The following MTMR14 variants were observed in gnomAD, a reference collection of about 807,000 sequenced individuals.
MTMR14 encodes myotubularin related protein 14.
A neutral mutation model predicts 86.3 loss-of-function variants in MTMR14; 48 were observed. The observed-to-expected ratio is 0.56, with a 90% CI of 0.44 to 0.71. The LOEUF is 0.71. Among genes scored for constraint, MTMR14 ranks in the 30% least tolerant of loss-of-function variants. MTMR14 has a pLI of 0.00. For missense variants in MTMR14, 780 were observed against 834.6 expected, an observed-to-expected ratio of 0.93 and a Z score of 0.81; for synonymous variants, 366 against 326.1, an observed-to-expected ratio of 1.12 and a Z score of -1.32.
At chr3:9,669,365 T>C in intron 4 of MTMR14, 67 bp from the exon 5 acceptor site, 1 of 1,543,062 alleles carries the variant, frequency 6.5e-7, no homozygotes, top group Non-Finnish European at 8.9e-7. Flanking sequence ...AGGAGGCTGG[T>C]GAGGAGGCCC....
intron 9 of MTMR14, among the ~76,000 whole-genome samples, chr3:9,681,672 CTTGTTTGT>C (rs575254786): frequency 1.3e-5 from 2 of 152,122 alleles, no homozygotes; most frequent in African/African-American, 2.4e-5. Context: ...AGGCACGAGC[CTTGTTTGT>C]TTGTTTGTTT....
intron 1 of MTMR14, 98 bp from the exon 2 acceptor site, chr3:9,653,523 C>A: frequency 6.8e-7 from 1 of 1,468,182 alleles, no homozygotes. Context: ...CACCCAGGTA[C>A]ATGTCTTTCC....
At chr3:9,685,176 C>A (rs769070435) in intron 12 of MTMR14, 35 bp from the exon 13 acceptor site, 1 of 1,614,110 alleles carries the variant, frequency 6.2e-7, no homozygotes. Context: ...CATCTTGGTG[C>A]TGCTGACTTT....
intron 9 of MTMR14, among the ~76,000 whole-genome samples, chr3:9,680,590 A>G (rs910960480): frequency 1.3e-5 from 2 of 152,234 alleles, no homozygotes; most frequent in Non-Finnish European, 2.9e-5. Flanking sequence ...TCATGCCTGT[A>G]ATCCCAGCAC....
intron 9 of MTMR14, among the ~76,000 whole-genome samples, chr3:9,682,781 T>C (rs560588641): frequency 1.3e-5 from 2 of 152,378 alleles, no homozygotes; most frequent in Non-Finnish European, 2.9e-5. Context: ...AGACATTGGC[T>C]ACAGCCTCAG....
In MTMR14 at chr3:9,668,704, A is replaced by T; in HGVS notation, c.418-15A>T. On this transcript the variant is annotated splice_polypyrimidine_tract_variant and intron_variant, in intron 3 of 18. Coordinates refer to ENST00000296003, the MANE Select transcript of MTMR14 (RefSeq NM_001077525.3). Reference sequence around the variant, plus strand: ...AGAAAACCATCTGACCGTGAAAATGATGTTTCTCTCCCAGCACATTTGCAG... The same window carrying T: ...AGAAAACCATCTGACCGTGAAAATGTTGTTTCTCTCCCAGCACATTTGCAG... 1 of 1,613,940 alleles carries T rather than the reference A, an allele frequency of 6.2e-7. No individual in the cohort carries two copies. Among genetic ancestry groups the T allele is most frequent in the Middle Eastern group, 1.6e-4 (1 of 6,062 alleles).
At chr3:9,689,940 A>T in intron 16 of MTMR14, 24 bp from the exon 17 acceptor site, 7 of 1,601,606 alleles carry the variant, frequency 4.4e-6, no homozygotes, top group Non-Finnish European at 6.0e-6. Flanking sequence ...CCCCCGGCTC[A>T]CAGCCCTGCT....
chr3:9,663,862 C>T lies in MTMR14; in HGVS notation c.417+1487C>T, dbSNP rs560609676. 1.1e-3 allele frequency among the ~76,000 whole-genome samples: 160 copies of T among 150,164 alleles called. 1 individual carries two copies. Among genetic ancestry groups the T allele is most frequent in the Non-Finnish European group, 1.9e-3 (129 of 67,714 alleles). On this transcript the variant is annotated intron_variant, in intron 3 of 18. Coordinates refer to ENST00000296003, the MANE Select transcript of MTMR14 (RefSeq NM_001077525.3). ...GGAGTGCAGTGGCCCAAGCTTGGCT[C>T]ACTGCAACCTCCACCTCCCGGGTTC...
intron 18 of MTMR14, 48 bp downstream of exon 18, chr3:9,697,914 A>C: frequency 6.2e-7 from 1 of 1,611,780 alleles, no homozygotes; most frequent in Non-Finnish European, 8.5e-7. Context: ...CCCATGGGAA[A>C]AGCTGGTGAG....
At chr3:9,664,530 A>T (rs1423057599) in intron 3 of MTMR14, among the ~76,000 whole-genome samples, 1 of 152,130 alleles carries the variant, frequency 6.6e-6, no homozygotes, top group South Asian at 2.1e-4. Flanking sequence ...GGATAAAGAA[A>T]ATATGGTACA....
At chr3:9,686,234 C>T (rs186016305) in intron 13 of MTMR14, among the ~76,000 whole-genome samples, 4 of 152,326 alleles carry the variant, frequency 2.6e-5, no homozygotes, top group East Asian at 1.9e-4. Context: ...CGTGAACTCC[C>T]TCAGAGGCGG....
In MTMR14 at chr3:9,688,856, T is replaced by C. The variant is rs2076048586; in HGVS notation, c.1295-88T>C. Reference sequence around the variant, plus strand: ...CTAAGAGGTTTTTTGTTTTTTTTTTTTTCTTCCCAGTTATGTGGTATAGAA... The same window carrying C: ...CTAAGAGGTTTTTTGTTTTTTTTTTCTTCTTCCCAGTTATGTGGTATAGAA... On this transcript the variant is annotated intron_variant, in intron 15 of 18. Transcript: ENST00000296003. The C allele has an allele frequency of 1.1e-5, 17 of 1,611,062 alleles. No homozygotes were observed. The East Asian group carries it at 3.6e-4, about 34-fold the overall frequency.
At chr3:9,676,425 A>T (rs1236791688) in intron 7 of MTMR14, among the ~76,000 whole-genome samples, 1 of 152,262 alleles carries the variant, frequency 6.6e-6, no homozygotes, top group African/African-American at 2.4e-5. Context: ...AGCGCAGAGC[A>T]AAGTAGTTGA....
intron 13 of MTMR14, among the ~76,000 whole-genome samples, chr3:9,686,488 C>CG (rs955655614): frequency 5.3e-5 from 8 of 152,104 alleles, no homozygotes; most frequent in Middle Eastern, 3.4e-3. Context: ...TTTCTGTTAC[C>CG]CCCCCCAGAC....
At chr3:9,650,178 G>T in intron 1 of MTMR14, 1 of 372,514 alleles carries the variant, frequency 2.7e-6, no homozygotes, top group South Asian at 1.9e-5. Flanking sequence ...TGAACCCAGT[G>T]TGCTGCCCCC....
rs1290544488 is a variant in MTMR14, at chr3:9,687,811, T to C, written c.1165-10T>C. ...CTTCTCATTGTGCGCTGCTCTTTGGTCTCCTTTAGATTTTCTTCTTCTGCT... is the reference window on the plus strand; with the variant it reads ...CTTCTCATTGTGCGCTGCTCTTTGGCCTCCTTTAGATTTTCTTCTTCTGCT... On this transcript the variant is annotated splice_polypyrimidine_tract_variant and intron_variant, in intron 13 of 18. Transcript: ENST00000296003. 1.3e-6 allele frequency: 2 copies of C among 1,567,170 alleles called. No individual in the cohort carries two copies. Among genetic ancestry groups the C allele is most frequent in the Admixed American group, 1.9e-5 (1 of 53,038 alleles).
intron 13 of MTMR14, 116 bp from the exon 14 acceptor site, chr3:9,687,705 C>A: frequency 1.2e-6 from 1 of 807,992 alleles, no homozygotes; most frequent in Non-Finnish European, 2.1e-6. Flanking sequence ...CCCACACAGT[C>A]CCACAGCAGG....
intron 13 of MTMR14, among the ~76,000 whole-genome samples, chr3:9,685,453 T>C (rs1396444714): frequency 6.6e-6 from 1 of 152,112 alleles, no homozygotes; most frequent in African/African-American, 2.4e-5. Context: ...GCCTGTGCTG[T>C]GGAGAGGATA....
chr3:9,693,401 A>C (rs7615134), intron 17 of MTMR14, among the ~76,000 whole-genome samples: 36,535 of 152,160 alleles, frequency 0.24, 6,055 homozygotes, highest in African/African-American at 0.46. Flanking sequence ...TGTCCCCTAC[A>C]CATGCAGTTG....
Sources: gnomAD v4.1 joint callset for allele counts (sites outside exome capture counted in the v4.1 genomes callset) on GRCh38, gnomAD v4.1.1 for gene constraint, MANE v1.5 for transcripts, NCBI Gene and HGNC (gene_info 2026-07-23, HGNC 2026-07-21) for gene names.